ADIPOR2: variants seen among roughly 807,000 people sequenced by gnomAD.
The protein encoded by ADIPOR2 is adiponectin receptor 2.
ADIPOR2 carries 18 observed loss-of-function variants against 40.9 expected under a neutral mutation model. That is an observed-to-expected ratio of 0.44 (90% confidence interval 0.30 to 0.65). ADIPOR2 has a LOEUF of 0.65. ADIPOR2 is among the 30% of genes least tolerant of loss of function. The pLI is 0.09. For synonymous variants in ADIPOR2, 165 were observed against 166.4 expected (o/e 0.99, Z 0.06); for missense variants, 283 against 479.2 (o/e 0.59, Z 3.82).
intron 1 of ADIPOR2, among the ~76,000 whole-genome samples, chr12:1,744,668 T>C (rs866736639): frequency 6.6e-6 from 1 of 152,230 alleles, no homozygotes; most frequent in African/African-American, 2.4e-5. Flanking sequence ...TGCCTTATAC[T>C]TTCTGGTAAT....
intron 1 of ADIPOR2, among the ~76,000 whole-genome samples, chr12:1,735,645 G>A (rs1248940892): frequency 6.6e-6 from 1 of 152,168 alleles, no homozygotes; most frequent in East Asian, 1.9e-4. Flanking sequence ...GAATAGGAGT[G>A]GTGAGAGAGG....
rs1862183637 is a variant in ADIPOR2 at position 1,758,112 on chromosome 12, G to A, written c.171+3598G>A. The A allele has an allele frequency of 1.4e-5, 7 of 515,892 alleles. No homozygotes were observed. The South Asian group carries it at 1.9e-4, about 14-fold the overall frequency. The allele number at this position is 515,892 out of a possible 1,614,324, so 32.0% of individuals were successfully genotyped here. A position where few individuals can be genotyped will look rare whatever the true frequency, so the allele number is the denominator to read the frequency against. Reference sequence around the variant, plus strand: ...TTTACATTAATTGATTTTTTTATGTGTTGTAATACTATATATTTTTGTTTC... The same window carrying A: ...TTTACATTAATTGATTTTTTTATGTATTGTAATACTATATATTTTTGTTTC... On this transcript the variant is annotated intron_variant, in intron 2 of 7. Transcript: ENST00000357103.
chr12:1,771,194 C>T (rs11610411), intron 2 of ADIPOR2, among the ~76,000 whole-genome samples: 6,821 of 152,040 alleles, frequency 0.045, 261 homozygotes, highest in East Asian at 0.19. Context: ...GTGGTGCATA[C>T]CTGTAGTGCA....
intron 1 of ADIPOR2, among the ~76,000 whole-genome samples, chr12:1,713,893 C>A (rs1239737759): frequency 8.5e-5 from 13 of 152,104 alleles, no homozygotes; most frequent in Admixed American, 8.5e-4. Context: ...GAGATTAACA[C>A]TGATAAAGCT....
intron 1 of ADIPOR2, among the ~76,000 whole-genome samples, chr12:1,738,736 A>ATCC (rs1430189928): frequency 6.6e-6 from 1 of 152,164 alleles, no homozygotes; most frequent in Non-Finnish European, 1.5e-5. Flanking sequence ...TTATTAAAGG[A>ATCC]GTGAGTATGC....
chr12:1,779,422 G>A (rs1418282799), intron 4 of ADIPOR2, among the ~76,000 whole-genome samples: 3 of 152,170 alleles, frequency 2.0e-5, no homozygotes, highest in Non-Finnish European at 4.4e-5. Flanking sequence ...AGACACAGAA[G>A]GTCACATGTC....
intron 1 of ADIPOR2, among the ~76,000 whole-genome samples, chr12:1,753,289 T>C (rs899529889): frequency 6.6e-6 from 1 of 152,224 alleles, no homozygotes; most frequent in Non-Finnish European, 1.5e-5. Flanking sequence ...ATTCAACTAA[T>C]TGTCTAAAAT....
At chr12:1,694,668 C>T (rs1056837415) in intron 1 of ADIPOR2, among the ~76,000 whole-genome samples, 1 of 151,678 alleles carries the variant, frequency 6.6e-6, no homozygotes, top group Non-Finnish European at 1.5e-5. Flanking sequence ...AAAAAAATTC[C>T]TTCTCATGCG....
At chr12:1,773,089 C>G in intron 3 of ADIPOR2, 128 bp downstream of exon 3, 1 of 1,195,344 alleles carries the variant, frequency 8.4e-7, no homozygotes, top group Non-Finnish European at 1.1e-6. Context: ...AAGATGGGGA[C>G]AGAAGTGGTC....
intron 2 of ADIPOR2, among the ~76,000 whole-genome samples, chr12:1,771,392 TA>T (rs761395094): frequency 4.0e-3 from 516 of 127,882 alleles, no homozygotes; most frequent in Non-Finnish European, 4.6e-3. Flanking sequence ...TGTCTCAAAC[TA>T]AAAAAAAAAA....
chr12:1,703,940 C>T (rs1330275436), intron 1 of ADIPOR2, among the ~76,000 whole-genome samples: 1 of 150,120 alleles, frequency 6.7e-6, no homozygotes, highest in Non-Finnish European at 1.5e-5. Flanking sequence ...TCTCAAACTC[C>T]TGGCCTGACT....
rs376729609 is a variant in ADIPOR2 at position 1,700,797 on chromosome 12, T to TTA, written c.-87+9606_-87+9607insTA. On this transcript the variant is annotated intron_variant, in intron 1 of 7. Transcript: ENST00000357103. Reference sequence around the variant, plus strand: ...TTGTTGTTGTTAGTGGCCCTAGATTTAAAAAAAAAAAAAAGGTGAGGGCTA... The same window carrying TTA: ...TTGTTGTTGTTAGTGGCCCTAGATTTTAAAAAAAAAAAAAAAGGTGAGGGCTA... Among the ~76,000 whole-genome samples, 3 of 144,232 alleles carry TTA rather than the reference T, an allele frequency of 2.1e-5. No homozygotes were observed. In the East Asian group the frequency reaches 6.0e-4, roughly 29 times the overall value. The allele number at this position is 144,232 out of a possible 152,430, so 94.6% of individuals were successfully genotyped here. A position where few individuals can be genotyped will look rare whatever the true frequency, so the allele number is the denominator to read the frequency against.
At chr12:1,766,958 G>C (rs930750817) in intron 2 of ADIPOR2, among the ~76,000 whole-genome samples, 6 of 152,130 alleles carry the variant, frequency 3.9e-5, no homozygotes, top group African/African-American at 1.4e-4. Context: ...TCATGGAGAA[G>C]CCTGCTTAAG....
chr12:1,755,762 CT>C (rs929555875), intron 2 of ADIPOR2, among the ~76,000 whole-genome samples: 1 of 152,058 alleles, frequency 6.6e-6, no homozygotes, highest in African/African-American at 2.4e-5. Flanking sequence ...GTTTCTCAAA[CT>C]TTGGGTTGTA....
chr12:1,725,901 TTCAC>T (rs1216836182), intron 1 of ADIPOR2, among the ~76,000 whole-genome samples: 8 of 152,254 alleles, frequency 5.3e-5, no homozygotes, highest in Admixed American at 5.2e-4. Context: ...AATTTATTCA[TTCAC>T]TCAAGAAATC....
intron 1 of ADIPOR2, among the ~76,000 whole-genome samples, chr12:1,731,424 A>G (rs527711387): frequency 9.9e-5 from 15 of 152,284 alleles, no homozygotes; most frequent in African/African-American, 2.4e-4. Context: ...TATATTCACA[A>G]TGTTGTACAA....
At chr12:1,751,103 T>C (rs1380025787) in intron 1 of ADIPOR2, among the ~76,000 whole-genome samples, 1 of 151,890 alleles carries the variant, frequency 6.6e-6, no homozygotes, top group Non-Finnish European at 1.5e-5. Flanking sequence ...GTAAAACATA[T>C]AGTAAATTTC....
At chr12:1,728,004 T>G (rs888713891) in intron 1 of ADIPOR2, among the ~76,000 whole-genome samples, 1 of 152,160 alleles carries the variant, frequency 6.6e-6, no homozygotes, top group Admixed American at 6.5e-5. Flanking sequence ...CTCCCCTACT[T>G]GCTGAAAATG....
At chr12:1,781,240 G>T (rs560137881) in intron 6 of ADIPOR2, among the ~76,000 whole-genome samples, 164 bp downstream of exon 6, 1 of 152,136 alleles carries the variant, frequency 6.6e-6, no homozygotes, top group Non-Finnish European at 1.5e-5. Flanking sequence ...TGTAGTAGTC[G>T]TAGTAGTTGT....
Sources: allele counts gnomAD v4.1 joint callset (sites outside exome capture counted in the v4.1 genomes callset), GRCh38; gene constraint gnomAD v4.1.1; transcripts MANE v1.5; gene names NCBI Gene and HGNC (gene_info 2026-07-23, HGNC 2026-07-21).